The following NDE1 variants were observed in gnomAD, a reference collection of about 807,000 sequenced individuals.
The protein encoded by NDE1 is nuclear distribution protein nudE homolog 1.
NDE1 carries 28 observed loss-of-function variants against 43.4 expected under a neutral mutation model. That is an observed-to-expected ratio of 0.65 (90% confidence interval 0.48 to 0.89). The LOEUF is 0.89. Among genes scored for constraint, NDE1 ranks in the 40% least tolerant of loss-of-function variants. NDE1 has a pLI of 0.00. For missense variants in NDE1, 441 were observed against 434.1 expected (o/e 1.02, Z -0.14); for synonymous variants, 184 against 172.0 (o/e 1.07, Z -0.55).
intron 1 of NDE1, among the ~76,000 whole-genome samples, chr16:15,644,580 C>G (rs1232533052): frequency 3.3e-5 from 5 of 152,130 alleles, no homozygotes; most frequent in African/African-American, 1.2e-4. Context: ...AAATTTGAGA[C>G]TAGACTGGGA....
In NDE1 at chr16:15,664,723, C is replaced by A; in HGVS notation, c.-43-13C>A. 7.7e-7 allele frequency: 1 copy of A among 1,301,340 alleles called. No homozygotes were observed. The highest frequency in any genetic ancestry group is 1.1e-6 in the Non-Finnish European group (1 of 898,624). 80.6% of individuals were successfully genotyped at this position (1,301,340 alleles called of 1,614,324 possible). ...CCAGATGTGGGTAATCATTTTGAAACCTTCTCTCCTAGACACCATGCCACA... is the reference window on the plus strand; with the variant it reads ...CCAGATGTGGGTAATCATTTTGAAAACTTCTCTCCTAGACACCATGCCACA... On this transcript the variant is annotated splice_polypyrimidine_tract_variant and intron_variant, in intron 1 of 8. Transcript: ENST00000396354.
At chr16:15,686,856 T>G in intron 4 of NDE1, 2 of 499,590 alleles carry the variant, frequency 4.0e-6, no homozygotes, top group Non-Finnish European at 5.2e-6. Context: ...AACTGGCTAA[T>G]TTTTGTATTT....
chr16:15,662,446 C>A (rs535897811), intron 1 of NDE1, among the ~76,000 whole-genome samples: 333 of 151,792 alleles, frequency 2.2e-3, no homozygotes, highest in Non-Finnish European at 3.5e-3. Context: ...CCACGCCCAG[C>A]TAATTTTTTT....
chr16:15,673,960 C>T (rs186919891), intron 3 of NDE1, among the ~76,000 whole-genome samples: 2 of 152,236 alleles, frequency 1.3e-5, no homozygotes, highest in African/African-American at 2.4e-5. Context: ...GGTCTTGGCC[C>T]AGTCATTTGC....
intron 4 of NDE1, chr16:15,683,168 A>AT (rs1204607488): frequency 6.6e-6 from 1 of 152,048 alleles, no homozygotes; most frequent in East Asian, 1.9e-4. Flanking sequence ...CTTTTAAAGC[A>AT]TTTTTTGGCT....
intron 3 of NDE1, among the ~76,000 whole-genome samples, chr16:15,669,179 C>T (rs764424574): frequency 1.0e-4 from 15 of 143,546 alleles, no homozygotes; most frequent in Admixed American, 4.9e-4. Flanking sequence ...GGAATACAGG[C>T]GTGAGCCACT....
At chr16:15,699,522 G>A in intron 8 of NDE1, 1 of 1,180,838 alleles carries the variant, frequency 8.5e-7, no homozygotes, top group Non-Finnish European at 1.1e-6. Context: ...TTTCTAGTGG[G>A]TCTGAGACTG....
intron 4 of NDE1, chr16:15,684,552 G>C (rs1362422229): frequency 1.2e-4 from 17 of 146,274 alleles, no homozygotes; most frequent in Non-Finnish European, 1.8e-4. Flanking sequence ...TGGGTGACAA[G>C]AGTGGAACTC....
intron 3 of NDE1, among the ~76,000 whole-genome samples, chr16:15,669,256 C>G (rs2037468304): frequency 6.6e-6 from 1 of 151,046 alleles, no homozygotes; most frequent in Non-Finnish European, 1.5e-5. Flanking sequence ...TGCAGTGGCA[C>G]AATCTCACCT....
chr16:15,679,572 T>G (rs2038068919), intron 4 of NDE1, among the ~76,000 whole-genome samples: 1 of 152,136 alleles, frequency 6.6e-6, no homozygotes, highest in East Asian at 1.9e-4. Flanking sequence ...GGATTTGTGT[T>G]TGTTCTTTTA....
chr16:15,671,495 G>A (rs1229637115), intron 3 of NDE1, among the ~76,000 whole-genome samples: 1 of 152,034 alleles, frequency 6.6e-6, no homozygotes, highest in African/African-American at 2.4e-5. Context: ...GGGTGACAGA[G>A]CAAAAGTTAA....
chr16:15,698,399 G>GA (rs1555545858), intron 8 of NDE1, among the ~76,000 whole-genome samples: 1 of 151,760 alleles, frequency 6.6e-6, no homozygotes, highest in African/African-American at 2.4e-5. Context: ...CCTTGTCTCA[G>GA]AAAAAAAAGG....
At chr16:15,660,542 C>A (rs1703890580) in intron 1 of NDE1, among the ~76,000 whole-genome samples, 3 of 152,192 alleles carry the variant, frequency 2.0e-5, no homozygotes. Flanking sequence ...AAGGCCCCTA[C>A]CGCCCACATC....
chr16:15,718,179 T>C (rs1261315259), intron 8 of NDE1: 29 of 1,404,876 alleles, frequency 2.1e-5, no homozygotes, highest in African/African-American at 2.8e-5. Context: ...ATCTCTACTC[T>C]CAGGCCCCAC....
Position 15,718,354 on chromosome 16 carries a change from C to T in NDE1, c.948-5837C>T, listed in dbSNP as rs777832499. 1.1e-5 allele frequency: 18 copies of T among 1,608,988 alleles called. 1 individual carries two copies. The South Asian group carries it at 1.8e-4, about 16-fold the overall frequency. On this transcript the variant is annotated intron_variant, in intron 8 of 8. Coordinates refer to ENST00000396354, the MANE Select transcript of NDE1 (RefSeq NM_017668.3). ...TGCGGACCCGGTCGCTCATGGCCTC[C>T]ATGTTGCCCTGCTCCTCCTCCAGCT...
At chr16:15,714,587 G>A in intron 8 of NDE1, 1 of 496,356 alleles carries the variant, frequency 2.0e-6, no homozygotes, top group Non-Finnish European at 3.7e-6. Context: ...ATGTCGTGAA[G>A]ACTCAGTGAT....
rs572224631 is a variant in NDE1, at chr16:15,724,842, G to A, written c.*591G>A. The A allele has an allele frequency of 6.2e-7, 1 of 1,613,678 alleles. No individual in the cohort carries two copies. The highest frequency in any genetic ancestry group is 1.7e-5 in the Admixed American group (1 of 60,018). On this transcript the variant is annotated 3_prime_UTR_variant, in exon 9 of 9. Transcript: ENST00000396354. Reference sequence around the variant, plus strand: ...AGAGGTCCCAGGGACCTGCCCCGAGGAAGGCCACCCCCCAGGTCCCCTGGA... The same window carrying A: ...AGAGGTCCCAGGGACCTGCCCCGAGAAAGGCCACCCCCCAGGTCCCCTGGA...
chr16:15,676,865 T>C (rs1423540478), intron 3 of NDE1, among the ~76,000 whole-genome samples: 1 of 152,162 alleles, frequency 6.6e-6, no homozygotes, highest in Non-Finnish European at 1.5e-5. Context: ...TCTCACTCTG[T>C]GAGCCGGGCT....
At chr16:15,700,147 A>C in intron 8 of NDE1, 1 of 1,052,372 alleles carries the variant, frequency 9.5e-7, no homozygotes, top group Non-Finnish European at 1.2e-6. Flanking sequence ...CCCAGGCTGG[A>C]GTGTGGTGGC....
Sources: allele counts gnomAD v4.1 joint callset (sites outside exome capture counted in the v4.1 genomes callset), GRCh38; gene constraint gnomAD v4.1.1; transcripts MANE v1.5; gene names NCBI Gene and HGNC (gene_info 2026-07-23, HGNC 2026-07-21).